The following XIRP2 variants were observed in gnomAD, a reference collection of about 807,000 sequenced individuals.
XIRP2 encodes xin actin binding repeat containing 2.
A neutral mutation model predicts 277.0 loss-of-function variants in XIRP2; 236 were observed. The ratio of observed to expected loss-of-function variants is 0.85; its 90% CI spans 0.77 to 0.95. XIRP2 has a LOEUF of 0.95. Ranked by LOEUF, XIRP2 falls within the 40% of genes least tolerant of loss-of-function variation. The pLI, the probability that XIRP2 is intolerant of heterozygous loss-of-function variation, is 0.00. For missense variants in XIRP2, 4,640 were observed against 4,157.5 expected, an observed-to-expected ratio of 1.12 and a Z score of -3.19; for synonymous variants, 1,490 against 1,416.5, an observed-to-expected ratio of 1.05 and a Z score of -1.17.
rs192314724 is a variant in XIRP2 at position 167,075,798 on chromosome 2, T to G, written c.409-60111T>G. Among the ~76,000 whole-genome samples the G allele has an allele frequency of 2.0e-5, 3 of 150,606 alleles. No homozygotes were observed. In the East Asian group the frequency reaches 5.9e-4, roughly 30 times the overall value. On this transcript the variant is annotated intron_variant, in intron 2 of 10. Transcript: ENST00000409195. ...CTGGGATTACAGGCACCTGCCACCATGCCCAGCTAATTTTTTTTTTTTTTT... is the reference window on the plus strand; with the variant it reads ...CTGGGATTACAGGCACCTGCCACCAGGCCCAGCTAATTTTTTTTTTTTTTT...
chr2:167,066,486 A>T (rs773573523), intron 2 of XIRP2, among the ~76,000 whole-genome samples: 3 of 152,064 alleles, frequency 2.0e-5, no homozygotes, highest in African/African-American at 7.2e-5. Context: ...GTTTGCAAGG[A>T]TGTATAGAAA....
intron 2 of XIRP2, among the ~76,000 whole-genome samples, chr2:166,940,750 G>A (rs1472645279): frequency 6.6e-6 from 1 of 152,234 alleles, no homozygotes; most frequent in Non-Finnish European, 1.5e-5. Flanking sequence ...AGTGGAGGCT[G>A]CAGAACAGTG....
chr2:167,190,189 C>A (rs576640345), intron 3 of XIRP2, among the ~76,000 whole-genome samples: 35 of 152,232 alleles, frequency 2.3e-4, no homozygotes, highest in Middle Eastern at 3.4e-3. Flanking sequence ...CAAACCCTGT[C>A]CTTTAGGAGT....
At chr2:167,189,464 T>C (rs1001776235) in intron 3 of XIRP2, among the ~76,000 whole-genome samples, 1 of 152,208 alleles carries the variant, frequency 6.6e-6, no homozygotes, top group Admixed American at 6.5e-5. Flanking sequence ...TTATATTGTC[T>C]TTTTTATTTG....
intron 2 of XIRP2, among the ~76,000 whole-genome samples, chr2:167,119,251 G>A (rs1435415346): frequency 6.6e-6 from 1 of 152,104 alleles, no homozygotes; most frequent in Non-Finnish European, 1.5e-5. Context: ...TTTCACATTA[G>A]ATAAACATTG....
chr2:167,258,997 T>G lies in XIRP2; in HGVS notation c.*1180T>G. 1 of 1,611,154 alleles carries G rather than the reference T, an allele frequency of 6.2e-7. No individual in the cohort carries two copies. The highest frequency in any genetic ancestry group is 8.5e-7 in the Non-Finnish European group (1 of 1,178,300). ...GGGGAAGTTCAATCATCTCTCCTGATACAAATCTCTTAAACATTAAAGGAA... is the reference window on the plus strand; with the variant it reads ...GGGGAAGTTCAATCATCTCTCCTGAGACAAATCTCTTAAACATTAAAGGAA... On this transcript the variant is annotated 3_prime_UTR_variant, in exon 11 of 11. Transcript: ENST00000409195.
rs1694000020 is a variant in XIRP2 at position 167,210,747 on chromosome 2, C to G, written c.575C>G (p.Pro192Arg). 1 of 1,614,034 alleles carries G rather than the reference C, an allele frequency of 6.2e-7. No individual in the cohort carries two copies. Among genetic ancestry groups the G allele is most frequent in the Non-Finnish European group, 8.5e-7 (1 of 1,180,006 alleles). Residue 192 changes from proline (P) to arginine (R), a missense_variant, in exon 4 of 11, where the codon CCT becomes CGT. Physicochemically the swap from Pro to Arg is moderately radical, Grantham distance 103 (BLOSUM62 -2). Coordinates refer to ENST00000409195, the MANE Select transcript of XIRP2 (RefSeq NM_152381.6). ...TGTTTGCTTTCAGCGACTGCTGGCC[C>G]TAATAAGCCTGAGAGTGGATTTGCA... ...HSRIFEATAGPNKPESGFAED... is the reference protein window; with the variant it reads ...HSRIFEATAGRNKPESGFAED...
intron 2 of XIRP2, among the ~76,000 whole-genome samples, chr2:166,939,463 A>G (rs946828030): frequency 2.0e-5 from 3 of 151,740 alleles, no homozygotes; most frequent in African/African-American, 7.3e-5. Context: ...GGCGGATCAC[A>G]AGGTCAGGAG....
chr2:167,166,750 C>T (rs148009068), intron 3 of XIRP2, among the ~76,000 whole-genome samples: 104 of 152,252 alleles, frequency 6.8e-4, no homozygotes, highest in African/African-American at 2.3e-3. Flanking sequence ...CTAAGCCATT[C>T]ATGAGGGATC....
chr2:167,026,667 C>T (rs1467357509), intron 2 of XIRP2, among the ~76,000 whole-genome samples: 2 of 152,276 alleles, frequency 1.3e-5, no homozygotes, highest in Non-Finnish European at 2.9e-5. Flanking sequence ...GAAAATCTCT[C>T]AGCATTTGCT....
At chr2:166,904,009 C>A in intron 2 of XIRP2, 119 bp downstream of exon 2, 1 of 1,186,088 alleles carries the variant, frequency 8.4e-7, no homozygotes, top group East Asian at 2.4e-5. Context: ...GTCCTGAAGC[C>A]GATGTGTAAT....
chr2:166,970,009 G>T (rs770398028), intron 2 of XIRP2, among the ~76,000 whole-genome samples: 1 of 151,938 alleles, frequency 6.6e-6, no homozygotes, highest in Non-Finnish European at 1.5e-5. Context: ...TCGCTTTCAG[G>T]TCTGGGTGAA....
intron 2 of XIRP2, among the ~76,000 whole-genome samples, chr2:167,118,222 G>A (rs1044914883): frequency 1.3e-5 from 2 of 152,132 alleles, no homozygotes; most frequent in African/African-American, 4.8e-5. Context: ...GCTCACGCCT[G>A]TAATCCCTGC....
Position 167,237,924 on chromosome 2 carries a change from G to A in XIRP2, c.859-1931G>A, listed in dbSNP as rs948604690. ...ATGCATTTTTTTTATATCTGCAGTT[G>A]TCAATGATTGTTATTGCTGTCTCTA... is the stretch of plus-strand genomic sequence containing the variant. On this transcript the variant is annotated intron_variant, in intron 5 of 10. Coordinates refer to ENST00000409195, the MANE Select transcript of XIRP2 (RefSeq NM_152381.6). 1.9e-4 allele frequency among the ~76,000 whole-genome samples: 29 copies of A among 152,148 alleles called. 1 individual carries two copies. The highest frequency in any genetic ancestry group is 6.2e-4 in the South Asian group (3 of 4,828).
chr2:167,222,019 T>C (rs1206795715), intron 5 of XIRP2, among the ~76,000 whole-genome samples: 2 of 152,210 alleles, frequency 1.3e-5, no homozygotes. Flanking sequence ...GCTGACTATT[T>C]GGTAACAGTT....
intron 2 of XIRP2, among the ~76,000 whole-genome samples, chr2:167,112,515 G>GTC (rs199842713): frequency 9.9e-4 from 146 of 147,860 alleles, no homozygotes; most frequent in African/African-American, 3.4e-3. Flanking sequence ...TTCTTCCTCT[G>GTC]TCTCTCTCTC....
chr2:167,001,367 G>A (rs999558359), intron 2 of XIRP2, among the ~76,000 whole-genome samples: 2 of 152,112 alleles, frequency 1.3e-5, no homozygotes, highest in Non-Finnish European at 2.9e-5. Flanking sequence ...CAGATTCTGA[G>A]TTAGGATAAA....
chr2:167,251,239 A>G lies in XIRP2; in HGVS notation c.9847A>G (p.Met3283Val), dbSNP rs751409915. ...HKDGLNSTDHMVPDTESYDAV... is the reference protein window; with the variant it reads ...HKDGLNSTDHVVPDTESYDAV... ...AGATGGACTAAATTCCACTGATCACATGGTGCCCGACACTGAAAGTTATGA... is the reference window on the plus strand; with the variant it reads ...AGATGGACTAAATTCCACTGATCACGTGGTGCCCGACACTGAAAGTTATGA... Residue 3283 changes from methionine to valine, a missense_variant, in exon 9 of 11, where the codon ATG becomes GTG. Coordinates refer to ENST00000409195, the MANE Select transcript of XIRP2 (RefSeq NM_152381.6). 6.2e-7 allele frequency: 1 copy of G among 1,613,598 alleles called. No individual in the cohort carries two copies. The highest frequency in any genetic ancestry group is 1.3e-5 in the African/African-American group (1 of 74,992).
rs564231857 is a variant in XIRP2 at position 167,003,715 on chromosome 2, G to A, written c.408+99825G>A. 1.2e-4 allele frequency among the ~76,000 whole-genome samples: 18 copies of A among 151,966 alleles called. No homozygotes were observed. The South Asian group carries it at 2.1e-3, about 17-fold the overall frequency. On this transcript the variant is annotated intron_variant, in intron 2 of 10. Transcript: ENST00000409195. ...ATTTTAAATGTTATACTTTATTCTC[G>A]AAGCAATGGAAAGCTGCTGGAGGAT...
Sources: allele counts gnomAD v4.1 joint callset (sites outside exome capture counted in the v4.1 genomes callset), GRCh38; gene constraint gnomAD v4.1.1; transcripts MANE v1.5; gene names NCBI Gene and HGNC (gene_info 2026-07-23, HGNC 2026-07-21).